F11: variants seen among roughly 807,000 people sequenced by gnomAD.
F11 encodes coagulation factor XI, also known as coagualtion factor XI.
F11 carries 78 observed loss-of-function variants against 76.5 expected under a neutral mutation model. The ratio of observed to expected loss-of-function variants is 1.02; its 90% CI spans 0.85 to 1.23. The LOEUF (loss-of-function observed/expected upper bound fraction) is 1.23. F11 is among the 50% of genes most tolerant of loss of function. F11 has a pLI of 0.00. For synonymous variants in F11, 278 were observed against 276.3 expected (o/e 1.01, Z -0.06); for missense variants, 742 against 771.4 (o/e 0.96, Z 0.45).
At chr4:186,284,356 A>T (rs1277927701) in intron 11 of F11, 96 bp downstream of exon 11, 1 of 1,240,910 alleles carries the variant, frequency 8.1e-7, no homozygotes, top group Non-Finnish European at 1.1e-6. Flanking sequence ...AACCAATTAG[A>T]TTGTCTTATT....
chr4:186,278,283 T>G (rs1740530957), intron 7 of F11, among the ~76,000 whole-genome samples: 1 of 152,244 alleles, frequency 6.6e-6, no homozygotes. Context: ...GGAGGCCCTG[T>G]GTGCCTTGCC....
In F11 at chr4:186,289,057, T is replaced by C. The variant is rs994644233; in HGVS notation, c.*443T>C. The C allele has an allele frequency of 2.2e-5, 4 of 185,096 alleles. No homozygotes were observed. The highest frequency in any genetic ancestry group is 4.7e-5 in the African/African-American group (2 of 42,236). The allele number at this position is 185,096 out of a possible 1,614,324, so 11.5% of individuals were successfully genotyped here. A position where few individuals can be genotyped will look rare whatever the true frequency, so the allele number is the denominator to read the frequency against. Reference sequence around the variant, plus strand: ...CACCATTTTGCAGGAATCTACACTCTGCCTATGTGAACACATTTCTTTTGT... The same window carrying C: ...CACCATTTTGCAGGAATCTACACTCCGCCTATGTGAACACATTTCTTTTGT... On this transcript the variant is annotated 3_prime_UTR_variant, in exon 15 of 15. Transcript: ENST00000403665.
intron 10 of F11, chr4:186,282,724 C>T (rs1236733994): frequency 2.0e-6 from 2 of 985,254 alleles, no homozygotes; most frequent in African/African-American, 1.7e-5. Flanking sequence ...AGATGGCCCT[C>T]CAAAATGAAT....
At position 186,281,881 on chromosome 4, in the gene F11, A is replaced by T. The variant is rs575064756; in HGVS notation, c.1135+1301A>T. On this transcript the variant is annotated intron_variant, in intron 10 of 14. Coordinates refer to ENST00000403665, the MANE Select transcript of F11 (RefSeq NM_000128.4). ...AGAACTTGTTTTGTAGAACATAAAG[A>T]CGTTATATTGCCTCCAACACTGGTA... 3.1e-4 allele frequency: 376 copies of T among 1,225,720 alleles called. 1 individual carries two copies. The highest frequency in any genetic ancestry group is 4.5e-4 in the Middle Eastern group (2 of 4,398). 75.9% of individuals were successfully genotyped at this position (1,225,720 alleles called of 1,614,324 possible).
rs766440278 is a variant in F11 at position 186,280,018 on chromosome 4, T to C, written c.762T>C (p.Leu254=). ...TCCCTTTTGTTTTTGTTAGAAATCT[T>C]TGTCTCCTTAAAACATCTGAGAGTG... ...QEWPKESQRN[L]CLLKTSESGL... is the part of the protein sequence containing the mutation. The change falls in exon 8 of 15, where the codon CTT becomes CTC. Residue 254 remains leucine (L), a synonymous_variant. Coordinates refer to ENST00000403665, the MANE Select transcript of F11 (RefSeq NM_000128.4). The C allele has an allele frequency of 5.0e-6, 8 of 1,612,554 alleles. No homozygotes were observed. Among genetic ancestry groups the C allele is most frequent in the Non-Finnish European group, 5.9e-6 (7 of 1,178,522 alleles).
At position 186,284,151 on chromosome 4, in the gene F11, T is replaced by C. The variant is rs1800439; in HGVS notation, c.1195T>C (p.Trp399Arg). ...AGGAACTGCGTCTGTTCGTGGTGAG[T>C]GGCCGTGGCAGGTGACCCTGCACAC... The part of the protein sequence containing the change: ...VGGTASVRGE[W>R]PWQVTLHTTS... Residue 399 changes from tryptophan to arginine, a missense_variant, in exon 11 of 15, where the codon TGG becomes CGG. By Grantham distance (101) the Trp-to-Arg change is moderately radical. Transcript: ENST00000403665. 2 of 1,614,154 alleles carry C rather than the reference T, an allele frequency of 1.2e-6. No individual in the cohort carries two copies. The highest frequency in any genetic ancestry group is 1.7e-6 in the Non-Finnish European group (2 of 1,180,028).
intron 10 of F11, chr4:186,282,418 A>C (rs530396354): frequency 2.0e-6 from 2 of 985,420 alleles, no homozygotes; most frequent in South Asian, 4.7e-5. Flanking sequence ...CCTAATGTGA[A>C]AGGGAATAGC....
intron 7 of F11, 21 bp downstream of exon 7, chr4:186,276,411 G>GA: frequency 1.9e-6 from 3 of 1,611,952 alleles, no homozygotes; most frequent in Non-Finnish European, 2.5e-6. Flanking sequence ...AACAAGTAAG[G>GA]ATAATTTGTT....
At chr4:186,280,857 T>TC (rs1561487353) in intron 10 of F11, among the ~76,000 whole-genome samples, 1 of 11,178 alleles carries the variant, frequency 8.9e-5, no homozygotes, top group Non-Finnish European at 1.6e-4. Context: ...TCTTTCTTTC[T>TC]TTTTTTTTTT....
chr4:186,290,008 T>C (rs1232321133), downstream of F11, among the ~76,000 whole-genome samples: 1 of 152,186 alleles, frequency 6.6e-6, no homozygotes, highest in Non-Finnish European at 1.5e-5. Flanking sequence ...AGCACAATTA[T>C]GTGAGAGCAT....
At chr4:186,288,383 G>C in intron 14 of F11, 70 bp from the exon 15 acceptor site, 1 of 1,603,154 alleles carries the variant, frequency 6.2e-7, no homozygotes, top group African/African-American at 1.3e-5. Context: ...ATCAGCCTGA[G>C]CAAGATGTGC....
intron 3 of F11, among the ~76,000 whole-genome samples, chr4:186,272,205 CA>C (rs1044227018): frequency 4.5e-4 from 69 of 152,134 alleles, no homozygotes; most frequent in African/African-American, 1.7e-3. Flanking sequence ...ACCAAAACCG[CA>C]ATGTTTGCTA....
chr4:186,288,683 C>CT lies in F11; in HGVS notation c.*70dup. The CT allele has an allele frequency of 6.5e-7, 1 of 1,529,808 alleles. No individual in the cohort carries two copies. Among genetic ancestry groups the CT allele is most frequent in the East Asian group, 2.4e-5 (1 of 42,384 alleles). The allele number at this position is 1,529,808 out of a possible 1,614,324, so 94.8% of individuals were successfully genotyped here. ...TTGCTGGGAGAGGGTGTTGAGTTCA[C>CT]TGTGCCAGCATGCTTCCTCCACAGT... On this transcript the variant is annotated 3_prime_UTR_variant, in exon 15 of 15. Transcript: ENST00000403665.
At position 186,289,179 on chromosome 4, in the gene F11, C is replaced by G. The variant is rs527660100; in HGVS notation, c.*565C>G. ...AAATATATATTAAAAAAAATCAGTT[C>G]GAGTAGACACGAGCTAAGAGTGAAT... On this transcript the variant is annotated 3_prime_UTR_variant, in exon 15 of 15. Coordinates refer to ENST00000403665, the MANE Select transcript of F11 (RefSeq NM_000128.4). 6.6e-6 allele frequency among the ~76,000 whole-genome samples: 1 copy of G among 151,942 alleles called. No individual in the cohort carries two copies. The highest frequency in any genetic ancestry group is 2.4e-5 in the African/African-American group (1 of 41,364).
rs549526161 is a variant in F11, at chr4:186,272,660, G to A, written c.219-411G>A. Among the ~76,000 whole-genome samples, 26 of 152,240 alleles carry A rather than the reference G, an allele frequency of 1.7e-4. No individual in the cohort carries two copies. The South Asian group carries it at 3.7e-3, about 22-fold the overall frequency. ...GATTGGCAAATGTCTTCTTAATAAC[G>A]CAGAGTAAATATGTTAGGCTTTGTG... On this transcript the variant is annotated intron_variant, in intron 3 of 14. Coordinates refer to ENST00000403665, the MANE Select transcript of F11 (RefSeq NM_000128.4).
rs185389812 is a variant in F11, at chr4:186,275,680, C to T, written c.486-107C>T. ...CATTCAGCCTCCCAGATGGATGCTT[C>T]GGGGTCTCGCAGGTCCTCTCTCCAA... On this transcript the variant is annotated intron_variant, in intron 5 of 14. Transcript: ENST00000403665. 1.5e-5 allele frequency: 12 copies of T among 780,952 alleles called. No individual in the cohort carries two copies. The Admixed American group carries it at 1.8e-4, about 12-fold the overall frequency. The allele number at this position is 780,952 out of a possible 1,614,324, so 48.4% of individuals were successfully genotyped here.
At chr4:186,269,728 A>G (rs915658281) in intron 2 of F11, among the ~76,000 whole-genome samples, 1 of 152,220 alleles carries the variant, frequency 6.6e-6, no homozygotes, top group Non-Finnish European at 1.5e-5. Flanking sequence ...AGAACTGTAC[A>G]CTCAAGATGG....
Position 186,284,369 on chromosome 4 carries a change from C to A in F11, c.1304+109C>A, listed in dbSNP as rs931472811. The A allele has an allele frequency of 6.1e-6, 7 of 1,148,526 alleles. No individual in the cohort carries two copies. The African/African-American group carries it at 7.7e-5, about 13-fold the overall frequency. 71.1% of individuals were successfully genotyped at this position (1,148,526 alleles called of 1,614,324 possible). A position where few individuals can be genotyped will look rare whatever the true frequency, so the allele number is the denominator to read the frequency against. ...TTAACCAATTAGATTGTCTTATTTGCAAAATTAATTAATTGCTTCAGTGGT... is the reference window on the plus strand; with the variant it reads ...TTAACCAATTAGATTGTCTTATTTGAAAAATTAATTAATTGCTTCAGTGGT... On this transcript the variant is annotated intron_variant, in intron 11 of 14. Transcript: ENST00000403665.
At chr4:186,272,966 G>A (rs878914581) in intron 3 of F11, 105 bp from the exon 4 acceptor site, 2 of 732,022 alleles carry the variant, frequency 2.7e-6, no homozygotes, top group Admixed American at 4.5e-5. Flanking sequence ...ATGAGATAAA[G>A]TAGTTTGTTT....
Sources: allele counts gnomAD v4.1 joint callset (sites outside exome capture counted in the v4.1 genomes callset), GRCh38; gene constraint gnomAD v4.1.1; transcripts MANE v1.5; gene names NCBI Gene and HGNC (gene_info 2026-07-23, HGNC 2026-07-21).